Variants in ADAM28 observed in about 807,000 individuals in gnomAD.
ADAM28 encodes disintegrin and metalloproteinase domain-containing protein 28.
Under a neutral mutation model 101.2 loss-of-function variants are expected in ADAM28, and 105 were observed. The ratio of observed to expected loss-of-function variants is 1.04; its 90% CI spans 0.89 to 1.22. The LOEUF is 1.22. Ranked by LOEUF, ADAM28 falls within the 50% of genes most tolerant of loss-of-function variation. The probability of loss-of-function intolerance (pLI) is 0.00; values close to 1 mark genes in which losing one functional copy is unlikely to be tolerated. For synonymous variants in ADAM28, 322 were observed against 310.6 expected, an observed-to-expected ratio of 1.04 and a Z score of -0.39; for missense variants, 1,028 against 945.4, an observed-to-expected ratio of 1.09 and a Z score of -1.15.
At chr8:24,318,747 T>C (rs986324437) in intron 6 of ADAM28, among the ~76,000 whole-genome samples, 2 of 151,992 alleles carry the variant, frequency 1.3e-5, no homozygotes, top group Non-Finnish European at 1.5e-5. Context: ...TTATATGGTA[T>C]CCATCAGCAA....
chr8:24,331,268 C>G lies in ADAM28; in HGVS notation c.1222C>G (p.Pro408Ala). ...APLPTDIIST[P>A]ICGNQLVEMG... Reference sequence around the variant, plus strand: ...ATTGCCTACAGATATCATATCCACTCCAATTTGTGGGAACCAGTTGGTGGA... The same window carrying G: ...ATTGCCTACAGATATCATATCCACTGCAATTTGTGGGAACCAGTTGGTGGA... Residue 408 changes from proline to alanine, a missense_variant, in exon 12 of 23, where the codon CCA becomes GCA. Transcript: ENST00000265769. 1 of 1,612,540 alleles carries G rather than the reference C, an allele frequency of 6.2e-7. No individual in the cohort carries two copies. Among genetic ancestry groups the G allele is most frequent in the East Asian group, 2.2e-5 (1 of 44,822 alleles).
Position 24,343,070 on chromosome 8 carries a change from T to C in ADAM28, c.1831-31T>C, listed in dbSNP as rs1585715916. ...CTTTCTCATCTACGTTCAGAGAAGA[T>C]GAAGCTTCATGTTTTCTACATCACT... On this transcript the variant is annotated intron_variant, in intron 16 of 22. Transcript: ENST00000265769. The C allele has an allele frequency of 1.9e-6, 3 of 1,613,362 alleles. No individual in the cohort carries two copies. The East Asian group carries it at 6.7e-5, about 36-fold the overall frequency.
intron 14 of ADAM28, among the ~76,000 whole-genome samples, chr8:24,337,360 G>C (rs1433324098): frequency 6.6e-6 from 1 of 152,218 alleles, no homozygotes; most frequent in Non-Finnish European, 1.5e-5. Flanking sequence ...GTGAAGTTCT[G>C]AGCATCACCT....
At chr8:24,299,135 G>C (rs1808372013) in intron 1 of ADAM28, among the ~76,000 whole-genome samples, 1 of 152,202 alleles carries the variant, frequency 6.6e-6, no homozygotes, top group African/African-American at 2.4e-5. Flanking sequence ...TGAGGCTGCA[G>C]TGAACCCTGT....
rs1379839199 is a variant in ADAM28, at chr8:24,310,351, C to CT, written c.306+116dup. 5 of 894,486 alleles carry CT rather than the reference C, an allele frequency of 5.6e-6. No individual in the cohort carries two copies. The African/African-American group carries it at 6.9e-5, about 12-fold the overall frequency. The allele number at this position is 894,486 out of a possible 1,614,324, so 55.4% of individuals were successfully genotyped here. On this transcript the variant is annotated intron_variant, in intron 4 of 22. Transcript: ENST00000265769. ...TGAAACTGCATTTGTAACATTAGTGCTTTTTTCAGCAGTAGCCATTACTTA... is the reference window on the plus strand; with the variant it reads ...TGAAACTGCATTTGTAACATTAGTGCTTTTTTTCAGCAGTAGCCATTACTTA...
At chr8:24,302,402 T>G (rs1041787644) in intron 2 of ADAM28, among the ~76,000 whole-genome samples, 1 of 152,190 alleles carries the variant, frequency 6.6e-6, no homozygotes, top group Non-Finnish European at 1.5e-5. Flanking sequence ...AATGAACATG[T>G]GCATGCATGT....
intron 2 of ADAM28, among the ~76,000 whole-genome samples, chr8:24,306,782 C>T (rs185601939): frequency 6.6e-6 from 1 of 152,244 alleles, no homozygotes; most frequent in African/African-American, 2.4e-5. Flanking sequence ...CTTTTGATAT[C>T]ACCCTGTGAG....
intron 8 of ADAM28, among the ~76,000 whole-genome samples, chr8:24,322,049 A>G (rs1026124212): frequency 5.3e-5 from 8 of 152,012 alleles, no homozygotes; most frequent in African/African-American, 1.9e-4. Flanking sequence ...ATGCTGTAAT[A>G]TACTTCTTTT....
rs1417106844 is a variant in ADAM28, at chr8:24,343,411, A to T, written c.1912-95A>T. 2.3e-6 allele frequency: 3 copies of T among 1,292,350 alleles called. No homozygotes were observed. In the African/African-American group the frequency reaches 4.4e-5, roughly 19 times the overall value. 80.1% of individuals were successfully genotyped at this position (1,292,350 alleles called of 1,614,324 possible). A position where few individuals can be genotyped will look rare whatever the true frequency, so the allele number is the denominator to read the frequency against. On this transcript the variant is annotated intron_variant, in intron 17 of 22. Transcript: ENST00000265769. ...AGATGGAAGCCTGGAGACTGGGGTT[A>T]TTCCTTTTTCTGCATGAACTTTATT...
At chr8:24,319,481 G>A (rs765927375) in intron 6 of ADAM28, among the ~76,000 whole-genome samples, 4 of 151,904 alleles carry the variant, frequency 2.6e-5, no homozygotes, top group Non-Finnish European at 4.4e-5. Context: ...CCCATGGAGG[G>A]TAGGAAGTAA....
chr8:24,297,511 T>A (rs1311770040), intron 1 of ADAM28, among the ~76,000 whole-genome samples: 1 of 152,212 alleles, frequency 6.6e-6, no homozygotes, highest in Non-Finnish European at 1.5e-5. Flanking sequence ...CAGCTTGGAC[T>A]ACTATTTCCT....
intron 2 of ADAM28, among the ~76,000 whole-genome samples, chr8:24,301,391 A>G (rs1003281468): frequency 1.4e-4 from 21 of 152,178 alleles, no homozygotes; most frequent in Non-Finnish European, 2.6e-4. Flanking sequence ...CTGGGTGACA[A>G]AGTAATCTGT....
At chr8:24,330,170 GT>G (rs1036814917) in intron 11 of ADAM28, 55 bp downstream of exon 11, 9 of 1,570,800 alleles carry the variant, frequency 5.7e-6, no homozygotes, top group Non-Finnish European at 7.8e-6. Flanking sequence ...TTGATCCACT[GT>G]GGGCTGTACT....
At chr8:24,343,203 C>T (rs190083616) in intron 17 of ADAM28, 22 bp downstream of exon 17, 1 of 1,608,976 alleles carries the variant, frequency 6.2e-7, no homozygotes, top group Admixed American at 1.7e-5. Context: ...AAATATGTTT[C>T]CCTAAGCTCT....
intron 2 of ADAM28, among the ~76,000 whole-genome samples, chr8:24,306,005 G>A (rs1809556890): frequency 6.6e-6 from 1 of 152,112 alleles, no homozygotes; most frequent in Non-Finnish European, 1.5e-5. Flanking sequence ...CCGCATGACA[G>A]GGTTGCCAGA....
At chr8:24,349,645 A>G (rs1815830244) in intron 18 of ADAM28, among the ~76,000 whole-genome samples, 1 of 152,096 alleles carries the variant, frequency 6.6e-6, no homozygotes, top group South Asian at 2.1e-4. Context: ...AACTTATTTC[A>G]TGTTAAATGT....
chr8:24,325,889 A>AAC (rs1812525061), intron 9 of ADAM28, among the ~76,000 whole-genome samples: 2 of 141,924 alleles, frequency 1.4e-5, no homozygotes, highest in African/African-American at 5.6e-5. Context: ...AAAAAAAAAA[A>AAC]AAAAAAAAAA....
At chr8:24,341,530 C>T in intron 15 of ADAM28, 68 bp from the exon 16 acceptor site, 4 of 1,478,244 alleles carry the variant, frequency 2.7e-6, no homozygotes, top group Non-Finnish European at 3.7e-6. Flanking sequence ...GTTAAATATC[C>T]ATAGTCCTAG....
intron 2 of ADAM28, among the ~76,000 whole-genome samples, chr8:24,302,778 T>A (rs114772462): frequency 0.018 from 2,732 of 152,232 alleles, 86 homozygotes; most frequent in African/African-American, 0.061. Context: ...CACTTTTTTT[T>A]AAAAATTATA....
Sources: allele counts gnomAD v4.1 joint callset (sites outside exome capture counted in the v4.1 genomes callset), GRCh38; gene constraint gnomAD v4.1.1; transcripts MANE v1.5; gene names NCBI Gene and HGNC (gene_info 2026-07-23, HGNC 2026-07-21).